RCC1L: variants seen among roughly 807,000 people sequenced by gnomAD.
RCC1L encodes the protein RCC1-like G exchanging factor-like protein.
A neutral mutation model predicts 58.6 loss-of-function variants in RCC1L; 46 were observed. The observed-to-expected ratio is 0.79, with a 90% CI of 0.62 to 1.00. RCC1L has a LOEUF of 1.00. RCC1L is among the 50% of genes least tolerant of loss of function. The probability of loss-of-function intolerance (pLI) is 0.00; values close to 1 mark genes in which losing one functional copy is unlikely to be tolerated. For synonymous variants in RCC1L, 281 were observed against 262.9 expected (o/e 1.07, Z -0.67); for missense variants, 636 against 623.6 (o/e 1.02, Z -0.21).
At chr7:75,059,287 C>T (rs1348447688) in intron 6 of RCC1L, among the ~76,000 whole-genome samples, 8 of 145,240 alleles carry the variant, frequency 5.5e-5, no homozygotes, top group African/African-American at 1.3e-4. Context: ...TTTTTTGAGA[C>T]GGTCTCACTC....
chr7:75,073,362 C>T (rs1806836813), intron 1 of RCC1L, 52 bp downstream of exon 1: 1 of 848,398 alleles, frequency 1.2e-6, no homozygotes, highest in Non-Finnish European at 1.6e-6. Context: ...TCGAGGGAGG[C>T]CGGGAGCGCG....
At chr7:75,059,547 T>C (rs1019835970) in intron 6 of RCC1L, among the ~76,000 whole-genome samples, 3 of 151,770 alleles carry the variant, frequency 2.0e-5, no homozygotes, top group East Asian at 2.0e-4. Flanking sequence ...GCTGGGATTA[T>C]AGGCGTGAGC....
rs375280648 is a variant in RCC1L at position 75,056,481 on chromosome 7, T to A, written c.1058-407A>T. ...GAAGGCCAAACACATCAACAATGTC[T>A]GGCCAGATTCTTAAAACTCTTAGAA... is the stretch of plus-strand genomic sequence containing the variant. On this transcript the variant is annotated intron_variant, in intron 8 of 10. Coordinates refer to ENST00000610322, the MANE Select transcript of RCC1L (RefSeq NM_030798.5). 0.028 allele frequency: 41,429 copies of A among 1,465,152 alleles called. 5,852 individuals are homozygous for A. In the African/African-American group the frequency reaches 0.39, roughly 14 times the overall value. 90.8% of individuals were successfully genotyped at this position (1,465,152 alleles called of 1,614,324 possible).
At chr7:75,038,868 C>CG (rs1402478630), downstream of RCC1L, among the ~76,000 whole-genome samples, 6 of 152,134 alleles carry the variant, frequency 3.9e-5, no homozygotes, top group Admixed American at 6.5e-5. Context: ...CTCCTGCCTC[C>CG]GGGGGGAAAC....
intron 10 of RCC1L, among the ~76,000 whole-genome samples, 178 bp from the exon 11 acceptor site, chr7:75,043,287 C>T (rs1266086923): frequency 6.6e-6 from 1 of 152,002 alleles, no homozygotes; most frequent in African/African-American, 2.4e-5. Flanking sequence ...GGCTCCCTAC[C>T]CTCTGGGAAT....
At chr7:75,036,792 C>T (rs969230725) in intron 10 of RCC1L, among the ~76,000 whole-genome samples, 3 of 152,008 alleles carry the variant, frequency 2.0e-5, no homozygotes, top group Non-Finnish European at 2.9e-5. Flanking sequence ...CCCAGCTATT[C>T]GGGAGGCTGA....
intron 5 of RCC1L, 93 bp downstream of exon 5, chr7:75,063,199 C>G: frequency 7.7e-7 from 1 of 1,300,088 alleles, no homozygotes; most frequent in Non-Finnish European, 1.1e-6. Flanking sequence ...TCAGAAAATC[C>G]CCCTAACAAA....
At position 75,072,155 on chromosome 7, in the gene RCC1L, C is replaced by CATATAT. The variant is rs1212608729; in HGVS notation, c.324+1258_324+1259insATATAT. Reference sequence around the variant, plus strand: ...TTTTAAATTTATACATATACATATACATATACATATATATATATATATATA... The same window carrying CATATAT: ...TTTTAAATTTATACATATACATATACATATATATATACATATATATATATATATATA... On this transcript the variant is annotated intron_variant, in intron 1 of 10. Coordinates refer to ENST00000610322, the MANE Select transcript of RCC1L (RefSeq NM_030798.5). Among the ~76,000 whole-genome samples, 204 of 48,036 alleles carry CATATAT rather than the reference C, an allele frequency of 4.2e-3. 5 individuals are homozygous for CATATAT. Among genetic ancestry groups the CATATAT allele is most frequent in the South Asian group, 0.011 (13 of 1,140 alleles). 31.5% of individuals were successfully genotyped at this position (48,036 alleles called of 152,430 possible).
At chr7:75,034,091 T>G (rs1173311770) in intron 10 of RCC1L, among the ~76,000 whole-genome samples, 2 of 152,102 alleles carry the variant, frequency 1.3e-5, no homozygotes, top group Non-Finnish European at 2.9e-5. Context: ...ACAACACAGT[T>G]TGCGAAAAAC....
At position 75,043,101 on chromosome 7, in the gene RCC1L, C is replaced by T. The variant is rs1805614812; in HGVS notation, c.1326G>A (p.Met442Ile). 3.1e-6 allele frequency: 5 copies of T among 1,614,024 alleles called. No homozygotes were observed. The highest frequency in any genetic ancestry group is 1.7e-5 in the Admixed American group (1 of 60,024). Reference sequence around the variant, plus strand: ...ATGCCACGTCCACAGGCTCCCCAGGCATCGTCACCTGAAAAATAAGATCCA... The same window carrying T: ...ATGCCACGTCCACAGGCTCCCCAGGTATCGTCACCTGAAAAATAAGATCCA... ...EDQYFPWRVT[M>I]PGEPVDVACG... The change falls in exon 11 of 11, where the codon ATG becomes ATA. Residue 442 changes from methionine to isoleucine, a missense_variant. Physicochemically the swap from Met to Ile is conservative, Grantham distance 10. Coordinates refer to ENST00000610322, the MANE Select transcript of RCC1L (RefSeq NM_030798.5).
intron 3 of RCC1L, 33 bp downstream of exon 3, chr7:75,066,631 A>G: frequency 6.2e-7 from 1 of 1,607,574 alleles, no homozygotes; most frequent in South Asian, 1.1e-5. Flanking sequence ...TGGTCCCTGC[A>G]CTCTTCCATC....
intron 9 of RCC1L, chr7:75,055,463 A>G (rs1035172954): frequency 6.2e-5 from 13 of 208,210 alleles, no homozygotes; most frequent in Non-Finnish European, 7.9e-5. Flanking sequence ...CAGTCTGACA[A>G]ATCGGCCTTT....
chr7:75,043,236 G>A, intron 10 of RCC1L, 127 bp from the exon 11 acceptor site: 4 of 1,099,402 alleles, frequency 3.6e-6, no homozygotes, highest in Non-Finnish European at 1.4e-6. Flanking sequence ...GTCTCAGCAG[G>A]AGACAGCTTG....
chr7:75,058,998 G>A (rs1303355035), intron 6 of RCC1L, among the ~76,000 whole-genome samples: 4 of 141,200 alleles, frequency 2.8e-5, no homozygotes, highest in South Asian at 2.3e-4. Context: ...TCAACATGGC[G>A]AAACCCTGTC....
At chr7:75,060,648 C>G (rs1806245673) in intron 6 of RCC1L, among the ~76,000 whole-genome samples, 1 of 152,116 alleles carries the variant, frequency 6.6e-6, no homozygotes, top group Non-Finnish European at 1.5e-5. Flanking sequence ...CCAAGCTGGT[C>G]TCAAACTCCT....
At chr7:75,036,164 T>G (rs929838280) in intron 10 of RCC1L, among the ~76,000 whole-genome samples, 16 of 147,052 alleles carry the variant, frequency 1.1e-4, no homozygotes, top group African/African-American at 4.0e-4. Flanking sequence ...TTTCCCAAGC[T>G]GGAGTGCAAT....
intron 1 of RCC1L, among the ~76,000 whole-genome samples, chr7:75,073,108 G>A (rs1806826440): frequency 6.6e-6 from 1 of 152,202 alleles, no homozygotes; most frequent in South Asian, 2.1e-4. Context: ...GCTAGCAGCG[G>A]TGGGGCCTCG....
downstream of RCC1L, among the ~76,000 whole-genome samples, chr7:75,039,053 C>T (rs1483205322): frequency 1.3e-5 from 2 of 152,160 alleles, no homozygotes; most frequent in African/African-American, 2.4e-5. Context: ...GTTGGCCAGG[C>T]GGTCTCAAAC....
chr7:75,068,846 GTTATT>G (rs1806610384), intron 2 of RCC1L, among the ~76,000 whole-genome samples: 2 of 152,000 alleles, frequency 1.3e-5, no homozygotes, highest in Admixed American at 6.6e-5. Context: ...AATTTCCTAT[GTTATT>G]TTATATTTAT....
Sources: allele counts gnomAD v4.1 joint callset (sites outside exome capture counted in the v4.1 genomes callset), GRCh38; gene constraint gnomAD v4.1.1; transcripts MANE v1.5; gene names NCBI Gene and HGNC (gene_info 2026-07-23, HGNC 2026-07-21).